Variants in DHX29 observed in about 807,000 individuals in gnomAD.
The protein encoded by DHX29 is DExH-box helicase 29.
A neutral mutation model predicts 167.9 loss-of-function variants in DHX29; 79 were observed. That is an observed-to-expected ratio of 0.47 (90% CI 0.39 to 0.57). The LOEUF is 0.57. Ranked by LOEUF, DHX29 falls within the 20% of genes least tolerant of loss-of-function variation. The probability of loss-of-function intolerance (pLI) is 0.00; values close to 1 mark genes in which losing one functional copy is unlikely to be tolerated. For synonymous variants in DHX29, 530 were observed against 546.0 expected, an observed-to-expected ratio of 0.97 and a Z score of 0.41; for missense variants, 1,347 against 1,593.4, an observed-to-expected ratio of 0.85 and a Z score of 2.63.
chr5:55,276,888 C>A (rs1747142077), intron 13 of DHX29, among the ~76,000 whole-genome samples: 1 of 152,098 alleles, frequency 6.6e-6, no homozygotes, highest in Non-Finnish European at 1.5e-5. Flanking sequence ...TTCTTTAGCC[C>A]TCACTGCTGT....
At chr5:55,270,307 A>G in intron 20 of DHX29, 105 bp downstream of exon 20, 1 of 1,298,598 alleles carries the variant, frequency 7.7e-7, no homozygotes, top group Non-Finnish European at 1.0e-6. Flanking sequence ...GAAGAGTAAA[A>G]AAGTTGAAAA....
chr5:55,259,460 T>C (rs1215842935), intron 26 of DHX29, among the ~76,000 whole-genome samples: 1 of 152,202 alleles, frequency 6.6e-6, no homozygotes, highest in Non-Finnish European at 1.5e-5. Flanking sequence ...AAAGTTTCTT[T>C]TTTTCTTTTT....
At chr5:55,268,345 TC>T (rs1398926077) in intron 21 of DHX29, among the ~76,000 whole-genome samples, 1 of 152,224 alleles carries the variant, frequency 6.6e-6, no homozygotes, top group East Asian at 1.9e-4. Flanking sequence ...TTGGCAAAAT[TC>T]CAGTGAATAT....
rs753451575 is a variant in DHX29, at chr5:55,307,508, A to G, written c.66T>C (p.Ala22=). 5.6e-6 allele frequency: 9 copies of G among 1,613,616 alleles called. No individual in the cohort carries two copies. Among genetic ancestry groups the G allele is most frequent in the African/African-American group, 2.7e-5 (2 of 74,954 alleles). ...AAAVVRAAVS[A]SRAKSAEAGI... ...CAGCCTCGGCAGATTTGGCTCTGGA[A>G]GCAGACACGGCGGCCCGGACCACCG... is the stretch of plus-strand genomic sequence containing the variant. Residue 22 remains alanine (A), a synonymous_variant, in exon 1 of 27, where the codon GCT becomes GCC. Transcript: ENST00000251636.
At chr5:55,258,816 G>A (rs557987465) in intron 26 of DHX29, among the ~76,000 whole-genome samples, 1 of 152,166 alleles carries the variant, frequency 6.6e-6, no homozygotes, top group Non-Finnish European at 1.5e-5. Context: ...GCCTTCCAAA[G>A]TGGTGGGATT....
intron 12 of DHX29, among the ~76,000 whole-genome samples, chr5:55,281,062 TAC>T (rs144186039): frequency 0.015 from 2,169 of 142,306 alleles, 52 homozygotes; most frequent in Middle Eastern, 0.065. Context: ...TATATGTATA[TAC>T]ACACACACAC....
chr5:55,265,684 A>AG (rs1211005282), intron 23 of DHX29, among the ~76,000 whole-genome samples: 1 of 151,734 alleles, frequency 6.6e-6, no homozygotes, highest in African/African-American at 2.4e-5. Context: ...AAAAAAAAAA[A>AG]AGCCAGTAAT....
rs552310830 is a variant in DHX29 at position 55,287,428 on chromosome 5, G to GA, written c.1067-1568dup. ...TGTTCTCCAGCCTGGGTGACAGAGT[G>GA]AAGGTCTGTCTCAAAAAAAATCCCC... On this transcript the variant is annotated intron_variant, in intron 8 of 26. Transcript: ENST00000251636. 9.2e-5 allele frequency among the ~76,000 whole-genome samples: 14 copies of GA among 152,132 alleles called. No homozygotes were observed. In the South Asian group the frequency reaches 2.9e-3, roughly 32 times the overall value.
In DHX29 at chr5:55,285,664, T is replaced by A. The variant is rs760356389; in HGVS notation, c.1232+32A>T. On this transcript the variant is annotated intron_variant, in intron 9 of 26. Coordinates refer to ENST00000251636, the MANE Select transcript of DHX29 (RefSeq NM_019030.4). ...TTAAATTTTTCTAAAGTTCATTCAG[T>A]TAATTAAAAACAACAACAACAAAAA... The A allele has an allele frequency of 2.0e-6, 3 of 1,527,904 alleles. No homozygotes were observed. The East Asian group carries it at 6.9e-5, about 35-fold the overall frequency. 94.6% of individuals were successfully genotyped at this position (1,527,904 alleles called of 1,614,324 possible). A position where few individuals can be genotyped will look rare whatever the true frequency, so the allele number is the denominator to read the frequency against.
intron 21 of DHX29, among the ~76,000 whole-genome samples, chr5:55,269,149 G>A (rs1215841592): frequency 1.3e-5 from 2 of 151,492 alleles, no homozygotes; most frequent in African/African-American, 4.9e-5. Context: ...GGGAGACTGA[G>A]GCATGAATTA....
At chr5:55,302,592 C>CAA (rs3990285) in intron 1 of DHX29, among the ~76,000 whole-genome samples, 81 of 68,272 alleles carry the variant, frequency 1.2e-3, no homozygotes, top group African/African-American at 3.5e-3. Context: ...GTGACCCTAT[C>CAA]AAAAAAAAAA....
chr5:55,293,755 G>A (rs1748166347), intron 6 of DHX29, among the ~76,000 whole-genome samples: 1 of 152,004 alleles, frequency 6.6e-6, no homozygotes, highest in Non-Finnish European at 1.5e-5. Flanking sequence ...ATTACCTAAA[G>A]AATTTAGCAT....
intron 12 of DHX29, among the ~76,000 whole-genome samples, chr5:55,280,452 A>C (rs1167783144): frequency 6.6e-6 from 1 of 152,312 alleles, no homozygotes. Flanking sequence ...TTAATTTAAG[A>C]ATGGTAATAA....
At chr5:55,307,326 TC>T in intron 1 of DHX29, 60 bp downstream of exon 1, 1 of 1,457,720 alleles carries the variant, frequency 6.9e-7, no homozygotes, top group Non-Finnish European at 9.4e-7. Context: ...TAAGGCCCTT[TC>T]CTCAGGACAA....
In DHX29 at chr5:55,305,124, ACTGTTCCTAC is replaced by A. The variant is rs1413056927; in HGVS notation, c.187+2253_187+2262del. Among the ~76,000 whole-genome samples the A allele has an allele frequency of 2.0e-5, 3 of 152,194 alleles. No individual in the cohort carries two copies. In the East Asian group the frequency reaches 5.8e-4, roughly 29 times the overall value. ...GGAAATGTTAACACATATCCATAAA[ACTGTTCCTAC>A]CTCCTGTAATTTTGTTGGATATATA... On this transcript the variant is annotated intron_variant, in intron 1 of 26. Transcript: ENST00000251636.
At chr5:55,256,626 G>A in intron 26 of DHX29, 86 bp from the exon 27 acceptor site, 1 of 1,256,674 alleles carries the variant, frequency 8.0e-7, no homozygotes. Context: ...AGAGGTATAT[G>A]TCACTAAAAA....
chr5:55,281,089 T>TAA (rs1464399979), intron 12 of DHX29, among the ~76,000 whole-genome samples: 1 of 151,120 alleles, frequency 6.6e-6, no homozygotes, highest in Non-Finnish European at 1.5e-5. Flanking sequence ...ACGCTATATA[T>TAA]AACCCTTTGA....
intron 12 of DHX29, among the ~76,000 whole-genome samples, chr5:55,280,283 C>T (rs535662361): frequency 2.0e-4 from 31 of 152,266 alleles, no homozygotes; most frequent in Admixed American, 1.5e-3. Flanking sequence ...TGAAAGAACA[C>T]AACTTCCTGA....
chr5:55,272,498 C>T (rs571142095), intron 17 of DHX29, among the ~76,000 whole-genome samples: 47 of 152,106 alleles, frequency 3.1e-4, no homozygotes, highest in African/African-American at 1.1e-3. Context: ...TTTGGGAGGC[C>T]GAGGCGGGAG....
Sources: gnomAD v4.1 joint callset for allele counts (sites outside exome capture counted in the v4.1 genomes callset) on GRCh38, gnomAD v4.1.1 for gene constraint, MANE v1.5 for transcripts, NCBI Gene and HGNC (gene_info 2026-07-23, HGNC 2026-07-21) for gene names.